SRGAP2: variants seen among roughly 807,000 people sequenced by gnomAD.
SRGAP2 encodes the protein SLIT-ROBO Rho GTPase activating protein 2, also known as SLIT-ROBO Rho GTPase-activating protein 2.
Under a neutral mutation model 57.2 loss-of-function variants are expected in SRGAP2, and 15 were observed. The ratio of observed to expected loss-of-function variants is 0.26; its 90% CI spans 0.18 to 0.40. The LOEUF (loss-of-function observed/expected upper bound fraction) is 0.40. Ranked by LOEUF, SRGAP2 falls within the 10% of genes least tolerant of loss-of-function variation. SRGAP2 has a pLI of 1.00. For missense variants in SRGAP2, 520 were observed against 669.6 expected (o/e 0.78, Z 2.47); for synonymous variants, 249 against 248.0 (o/e 1.00, Z -0.04).
chr1:206,272,499 C>A (rs1320655222), intron 2 of SRGAP2, among the ~76,000 whole-genome samples: 2 of 151,412 alleles, frequency 1.3e-5, no homozygotes, highest in Non-Finnish European at 2.9e-5. Context: ...GCAGTCTCAA[C>A]CTCCTGGGTT....
chr1:206,290,641 CAA>C (rs1237811129), intron 2 of SRGAP2, among the ~76,000 whole-genome samples: 1,276 of 44,992 alleles, frequency 0.028, 5 homozygotes, highest in African/African-American at 0.092. Flanking sequence ...GACTCCATCT[CAA>C]AAAAAAAAAA....
chr1:206,453,394 A>G lies in SRGAP2; in HGVS notation c.2360+14A>G, dbSNP rs370856979. The G allele has an allele frequency of 9.6e-6, 6 of 624,326 alleles. No individual in the cohort carries two copies. Among genetic ancestry groups the G allele is most frequent in the Non-Finnish European group, 1.8e-5 (6 of 332,826 alleles). 38.7% of individuals were successfully genotyped at this position (624,326 alleles called of 1,614,324 possible). On this transcript the variant is annotated intron_variant, in intron 20 of 22. Transcript: ENST00000573034. ...GGTCCAAGACACGTACGTTGGGCCC[A>G]TGGCATCTTTGGGGGTGGTCCCCAG... is the stretch of plus-strand genomic sequence containing the variant.
intron 2 of SRGAP2, among the ~76,000 whole-genome samples, chr1:206,229,356 A>G (rs1553306320): frequency 6.6e-6 from 1 of 150,514 alleles, no homozygotes; most frequent in African/African-American, 2.5e-5. Flanking sequence ...CTTTTGTCTT[A>G]TCTTGCAAGC....
chr1:206,240,890 T>A (rs2102548931), intron 2 of SRGAP2, among the ~76,000 whole-genome samples: 2 of 152,232 alleles, frequency 1.3e-5, no homozygotes, highest in African/African-American at 4.8e-5. Context: ...GGAAGTAAAT[T>A]GAAATGGGTT....
intron 3 of SRGAP2, among the ~76,000 whole-genome samples, chr1:206,322,441 G>T (rs74404820): frequency 6.6e-6 from 1 of 151,936 alleles, no homozygotes; most frequent in East Asian, 1.9e-4. Flanking sequence ...TTAGCCGGGC[G>T]TGGTGGCAGG....
chr1:206,237,575 C>A (rs1289251268), intron 2 of SRGAP2, among the ~76,000 whole-genome samples: 1 of 152,122 alleles, frequency 6.6e-6, no homozygotes, highest in Non-Finnish European at 1.5e-5. Context: ...TTTTTTTTAG[C>A]AACTTGCCTT....
chr1:206,301,159 G>A (rs1160691769), intron 2 of SRGAP2, among the ~76,000 whole-genome samples: 7 of 152,118 alleles, frequency 4.6e-5, no homozygotes, highest in African/African-American at 1.7e-4. Flanking sequence ...AGCCTCCCCA[G>A]TAGTTGGGAC....
chr1:206,454,923 G>A lies in SRGAP2; in HGVS notation c.2406G>A (p.Glu802=). The change falls in exon 21 of 23, where the codon GAG becomes GAA. Residue 802 remains glutamate (E), a synonymous_variant. Coordinates refer to ENST00000573034, the MANE Select transcript of SRGAP2 (RefSeq NM_015326.5). The surrounding 1 kb of genome is among the most constrained non-coding windows in gnomAD (Gnocchi z 4.3). ...VERSSPKSEI[E]VISEPPEEKV... Reference sequence around the variant, plus strand: ...GGTCCAGCCCCAAGTCTGAGATTGAGGTCATTTCTGAGCCACCTGAAGAAA... The same window carrying A: ...GGTCCAGCCCCAAGTCTGAGATTGAAGTCATTTCTGAGCCACCTGAAGAAA... The A allele has an allele frequency of 1.3e-6, 1 of 780,514 alleles. No homozygotes were observed. The highest frequency in any genetic ancestry group is 2.4e-6 in the Non-Finnish European group (1 of 417,768). The allele number at this position is 780,514 out of a possible 1,614,324, so 48.3% of individuals were successfully genotyped here. A position where few individuals can be genotyped will look rare whatever the true frequency, so the allele number is the denominator to read the frequency against.
intron 2 of SRGAP2, among the ~76,000 whole-genome samples, chr1:206,268,596 A>G (rs1251927170): frequency 6.6e-6 from 1 of 151,756 alleles, no homozygotes; most frequent in Non-Finnish European, 1.5e-5. Context: ...AGGGGAGAAT[A>G]GAATCAGACT....
At chr1:206,436,163 G>A (rs1389695323) in intron 14 of SRGAP2, among the ~76,000 whole-genome samples, 3 of 151,910 alleles carry the variant, frequency 2.0e-5, no homozygotes, top group African/African-American at 4.8e-5. Context: ...TTCTTCCAAT[G>A]TGGTCCAGGG....
intron 2 of SRGAP2, among the ~76,000 whole-genome samples, chr1:206,278,600 A>G (rs1212348837): frequency 5.6e-5 from 8 of 144,036 alleles, no homozygotes; most frequent in African/African-American, 2.2e-4. Context: ...GCTTCAAGCA[A>G]TCCTCCCACC....
intron 2 of SRGAP2, among the ~76,000 whole-genome samples, chr1:206,216,666 T>C (rs1326497308): frequency 6.6e-5 from 10 of 150,726 alleles, no homozygotes; most frequent in Admixed American, 2.0e-4. Context: ...TATTTATACG[T>C]TGTGAATGAA....
intron 11 of SRGAP2, among the ~76,000 whole-genome samples, chr1:206,417,907 A>G (rs991454132): frequency 1.1e-4 from 16 of 151,858 alleles, no homozygotes; most frequent in African/African-American, 3.6e-4. Flanking sequence ...AGACAGTCTA[A>G]GCATAGTCCA....
At chr1:206,319,327 T>C (rs1286796133) in intron 3 of SRGAP2, among the ~76,000 whole-genome samples, 3 of 150,518 alleles carry the variant, frequency 2.0e-5, no homozygotes, top group Non-Finnish European at 4.4e-5. Flanking sequence ...AGGAGAATGG[T>C]GTGAACCCAG....
At chr1:206,378,698 C>A (rs1376135653) in intron 4 of SRGAP2, among the ~76,000 whole-genome samples, 7 of 152,044 alleles carry the variant, frequency 4.6e-5, no homozygotes, top group Non-Finnish European at 1.0e-4. Context: ...ATTGTAAAGG[C>A]ACCAATCAGC....
At chr1:206,374,118 G>C (rs1259481395) in intron 4 of SRGAP2, among the ~76,000 whole-genome samples, 2 of 145,176 alleles carry the variant, frequency 1.4e-5, no homozygotes, top group African/African-American at 5.1e-5. Flanking sequence ...TCCGCCTCCC[G>C]GGTTCACGCC....
At chr1:206,443,168 T>C (rs997339730) in intron 17 of SRGAP2, among the ~76,000 whole-genome samples, 5 of 152,184 alleles carry the variant, frequency 3.3e-5, no homozygotes, top group African/African-American at 1.2e-4. Flanking sequence ...TGCTGAACCT[T>C]TTTATGAAGC....
chr1:206,374,259 G>A (rs540623383), intron 4 of SRGAP2, among the ~76,000 whole-genome samples: 4 of 151,360 alleles, frequency 2.6e-5, no homozygotes, highest in African/African-American at 9.8e-5. Context: ...CTCGTGATCC[G>A]CCCGCTTCGG....
At chr1:206,449,286 A>ATTTTTTTGTTTTTTTTTT (rs1489255492) in intron 18 of SRGAP2, among the ~76,000 whole-genome samples, 3 of 110,678 alleles carry the variant, frequency 2.7e-5, no homozygotes, top group Non-Finnish European at 5.4e-5. Flanking sequence ...ACACTGGATG[A>ATTTTTTTGTTTTTTTTTT]TTTTTTTTTT....
Sources: gnomAD v4.1 joint callset for allele counts (sites outside exome capture counted in the v4.1 genomes callset) on GRCh38, gnomAD v4.1.1 for gene constraint, Gnocchi (gnomAD v3.1) non-coding constraint, MANE v1.5 for transcripts, NCBI Gene and HGNC (gene_info 2026-07-23, HGNC 2026-07-21) for gene names.